KIAA0825: variants seen among roughly 807,000 people sequenced by gnomAD.
KIAA0825 encodes the protein KIAA0825, also known as uncharacterized protein KIAA0825.
In KIAA0825, 119 loss-of-function variants were observed where a neutral mutation model predicts 147.6. The ratio of observed to expected loss-of-function variants is 0.81; its 90% confidence interval spans 0.69 to 0.94. The LOEUF is 0.94. KIAA0825 is among the 40% of genes least tolerant of loss of function. KIAA0825 has a pLI of 0.00. For missense variants in KIAA0825, 1,381 were observed against 1,472.7 expected (o/e 0.94, Z 1.02); for synonymous variants, 470 against 518.1 (o/e 0.91, Z 1.26).
intron 12 of KIAA0825, among the ~76,000 whole-genome samples, chr5:94,457,783 G>A (rs376397067): frequency 5.5e-4 from 84 of 152,316 alleles, no homozygotes; most frequent in African/African-American, 1.7e-3. Context: ...CTCTTGTGTC[G>A]TGTTGCTTTC....
chr5:94,591,352 A>T (rs1784324383), intron 1 of KIAA0825, among the ~76,000 whole-genome samples: 1 of 152,254 alleles, frequency 6.6e-6, no homozygotes, highest in African/African-American at 2.4e-5. Context: ...TTTTAGTGCA[A>T]GCCACTACTT....
chr5:94,359,949 G>A (rs1049269730), intron 20 of KIAA0825, among the ~76,000 whole-genome samples: 6 of 152,088 alleles, frequency 3.9e-5, no homozygotes, highest in South Asian at 2.1e-4. Context: ...TGATTACAGC[G>A]CTACAGAAAA....
chr5:94,371,773 C>A (rs1746747390), intron 20 of KIAA0825, among the ~76,000 whole-genome samples: 1 of 152,204 alleles, frequency 6.6e-6, no homozygotes, highest in African/African-American at 2.4e-5. Context: ...CATGTCCTCA[C>A]ATTTCAAAAC....
chr5:94,315,847 A>T (rs1329959221), intron 20 of KIAA0825, among the ~76,000 whole-genome samples: 1 of 151,754 alleles, frequency 6.6e-6, no homozygotes, highest in Non-Finnish European at 1.5e-5. Context: ...CTATTCCTTA[A>T]ACTTTGTTTT....
At chr5:94,468,024 C>CA (rs1209149795) in intron 10 of KIAA0825, among the ~76,000 whole-genome samples, 1 of 152,164 alleles carries the variant, frequency 6.6e-6, no homozygotes, top group East Asian at 1.9e-4. Context: ...ACTAACTCTG[C>CA]AATTAAATTG....
chr5:94,226,120 A>G (rs1473473809), intron 20 of KIAA0825, among the ~76,000 whole-genome samples: 3 of 152,250 alleles, frequency 2.0e-5, no homozygotes, highest in African/African-American at 7.2e-5. Flanking sequence ...CCCATCTGAC[A>G]AAGGGCTAAT....
chr5:94,607,573 C>T (rs924521554), intron 1 of KIAA0825, among the ~76,000 whole-genome samples: 2 of 152,152 alleles, frequency 1.3e-5, no homozygotes, highest in Non-Finnish European at 2.9e-5. Flanking sequence ...CATGCCACTG[C>T]CTTCTACCCT....
At chr5:94,255,889 T>C (rs1306941640) in intron 20 of KIAA0825, among the ~76,000 whole-genome samples, 1 of 151,678 alleles carries the variant, frequency 6.6e-6, no homozygotes, top group Non-Finnish European at 1.5e-5. Context: ...AATTTTTGTA[T>C]TTTTTATAGA....
chr5:94,519,372 C>A, intron 5 of KIAA0825: 1 of 891,632 alleles, frequency 1.1e-6, no homozygotes, highest in African/African-American at 1.8e-5. Context: ...CAGAAATACA[C>A]CTCAGATTTT....
intron 20 of KIAA0825, among the ~76,000 whole-genome samples, chr5:94,227,507 C>T (rs1345114164): frequency 9.9e-5 from 15 of 151,366 alleles, no homozygotes; most frequent in Non-Finnish European, 2.1e-4. Flanking sequence ...TGTAACTAAC[C>T]TGCACATTGT....
At chr5:94,568,778 C>T (rs1426117296) in intron 2 of KIAA0825, 1 of 153,950 alleles carries the variant, frequency 6.5e-6, no homozygotes, top group Non-Finnish European at 1.4e-5. Flanking sequence ...AAATTTATCC[C>T]TACTTTTATT....
chr5:94,275,249 G>A (rs905964168), intron 20 of KIAA0825, among the ~76,000 whole-genome samples: 11 of 152,080 alleles, frequency 7.2e-5, no homozygotes, highest in East Asian at 1.9e-4. Context: ...TGTGTACTTC[G>A]GAGAGTTGTT....
At chr5:94,357,705 T>C (rs912225223) in intron 20 of KIAA0825, among the ~76,000 whole-genome samples, 1 of 152,236 alleles carries the variant, frequency 6.6e-6, no homozygotes. Flanking sequence ...AGAAGGGCTA[T>C]GGCCTTTCTG....
chr5:94,336,230 C>CA (rs1314946786), intron 20 of KIAA0825, among the ~76,000 whole-genome samples: 2 of 151,568 alleles, frequency 1.3e-5, no homozygotes, highest in Non-Finnish European at 2.9e-5. Context: ...AGTGAGCACC[C>CA]AATGATAGTA....
rs1161644558 is a variant in KIAA0825 at position 94,506,410 on chromosome 5, G to T, written c.970+13838C>A. On this transcript the variant is annotated intron_variant, in intron 5 of 20. Transcript: ENST00000682413. The stretch of plus-strand genomic sequence containing the variant: ...TTAAACTTGCATACTAAATGATTAG[G>T]ATGTGATTTAGAATATGTAACAGGA... Among the ~76,000 whole-genome samples, 6 of 152,160 alleles carry T rather than the reference G, an allele frequency of 3.9e-5. No homozygotes were observed. The South Asian group carries it at 1.2e-3, about 32-fold the overall frequency.
At chr5:94,443,359 TACACAC>T (rs70978110) in intron 13 of KIAA0825, among the ~76,000 whole-genome samples, 8 of 148,726 alleles carry the variant, frequency 5.4e-5, no homozygotes, top group Admixed American at 3.4e-4. Context: ...TGTATATATA[TACACAC>T]ACACACACAC....
At chr5:94,397,608 T>C (rs902006706) in intron 16 of KIAA0825, among the ~76,000 whole-genome samples, 19 of 152,282 alleles carry the variant, frequency 1.2e-4, no homozygotes, top group Non-Finnish European at 2.2e-4. Context: ...TTCTCAACTT[T>C]GGGTTGGATG....
chr5:94,427,196 G>A (rs1287959457), intron 14 of KIAA0825, among the ~76,000 whole-genome samples: 1 of 152,152 alleles, frequency 6.6e-6, no homozygotes, highest in African/African-American at 2.4e-5. Flanking sequence ...TTTCATAACA[G>A]TCTTTTTATC....
intron 2 of KIAA0825, among the ~76,000 whole-genome samples, chr5:94,564,206 T>C (rs1184214914): frequency 6.7e-6 from 1 of 148,308 alleles, no homozygotes; most frequent in Non-Finnish European, 1.5e-5. Context: ...TTTCTTTCTA[T>C]TCCCCTTGTT....
Sources: gnomAD v4.1 joint callset for allele counts (sites outside exome capture counted in the v4.1 genomes callset) on GRCh38, gnomAD v4.1.1 for gene constraint, MANE v1.5 for transcripts, NCBI Gene and HGNC (gene_info 2026-07-23, HGNC 2026-07-21) for gene names.